The following RASGRP3 variants were observed in gnomAD, a reference collection of about 807,000 sequenced individuals.
RASGRP3 encodes the protein RAS guanyl releasing protein 3, also known as ras guanyl-releasing protein 3.
In RASGRP3, 54 loss-of-function variants were observed where a neutral mutation model predicts 82.7. That is an observed-to-expected ratio of 0.65 (90% CI 0.52 to 0.82). RASGRP3 has a LOEUF of 0.82. Ranked by LOEUF, RASGRP3 falls within the 40% of genes least tolerant of loss-of-function variation. The pLI is 0.00. For synonymous variants in RASGRP3, 309 were observed against 300.5 expected (o/e 1.03, Z -0.29); for missense variants, 861 against 828.9 (o/e 1.04, Z -0.48).
intron 10 of RASGRP3, 34 bp downstream of exon 10, chr2:33,527,446 A>T (rs745470560): frequency 1.8e-5 from 29 of 1,574,234 alleles, no homozygotes; most frequent in Non-Finnish European, 2.4e-5. Flanking sequence ...GGGCTCAATA[A>T]TTCTTCTGCA....
chr2:33,441,620 T>C (rs895311671), intron 1 of RASGRP3, among the ~76,000 whole-genome samples: 2 of 152,254 alleles, frequency 1.3e-5, no homozygotes, highest in African/African-American at 4.8e-5. Context: ...AGAACAGTTT[T>C]AGATTTATCT....
At chr2:33,557,421 C>T (rs1676111152) in intron 15 of RASGRP3, among the ~76,000 whole-genome samples, 1 of 151,904 alleles carries the variant, frequency 6.6e-6, no homozygotes, top group African/African-American at 2.4e-5. Context: ...TAAAAAAATC[C>T]AGACAAGGCC....
At position 33,469,312 on chromosome 2, in the gene RASGRP3, T is replaced by A. The variant is rs144350431; in HGVS notation, c.-261+21369T>A. 4.6e-3 allele frequency among the ~76,000 whole-genome samples: 695 copies of A among 152,316 alleles called. 9 individuals are homozygous for A. The highest frequency in any genetic ancestry group is 0.016 in the African/African-American group (666 of 41,560). On this transcript the variant is annotated intron_variant, in intron 2 of 18. Transcript: ENST00000402538. ...TATATTTTACATATATGTTTTATATTTTATGGTTTAAATCGTGAACTTTTA... is the reference window on the plus strand; with the variant it reads ...TATATTTTACATATATGTTTTATATATTATGGTTTAAATCGTGAACTTTTA...
At chr2:33,450,223 T>C (rs1260322686) in intron 2 of RASGRP3, among the ~76,000 whole-genome samples, 2 of 152,228 alleles carry the variant, frequency 1.3e-5, no homozygotes, top group Non-Finnish European at 2.9e-5. Flanking sequence ...TCACCTCATA[T>C]ACCAATCATT....
At chr2:33,507,721 T>C (rs1008329032) in intron 1 of RASGRP3, among the ~76,000 whole-genome samples, 1 of 152,054 alleles carries the variant, frequency 6.6e-6, no homozygotes, top group Non-Finnish European at 1.5e-5. Context: ...AGATGGGGTT[T>C]CACCATGTTG....
chr2:33,493,377 A>AG (rs1256865294), intron 1 of RASGRP3, among the ~76,000 whole-genome samples: 1 of 152,196 alleles, frequency 6.6e-6, no homozygotes, highest in African/African-American at 2.4e-5. Context: ...CTGGGAGAGC[A>AG]GGGGCAGAGT....
At chr2:33,518,211 G>A (rs977593331) in intron 4 of RASGRP3, among the ~76,000 whole-genome samples, 4 of 152,202 alleles carry the variant, frequency 2.6e-5, no homozygotes, top group Non-Finnish European at 5.9e-5. Context: ...ACACACCTAG[G>A]CTATATGATA....
chr2:33,511,007 A>C (rs533993161), intron 1 of RASGRP3, among the ~76,000 whole-genome samples: 2 of 152,224 alleles, frequency 1.3e-5, no homozygotes, highest in Admixed American at 6.5e-5. Flanking sequence ...CATGTTAATG[A>C]ACGTCCTTTT....
chr2:33,533,935 C>T (rs1214828808), intron 10 of RASGRP3: 1 of 182,500 alleles, frequency 5.5e-6, no homozygotes, highest in African/African-American at 2.4e-5. Context: ...GTTAACTGCT[C>T]CTTTATTTCA....
chr2:33,557,420 C>G (rs1424966341), intron 15 of RASGRP3, among the ~76,000 whole-genome samples: 2 of 151,964 alleles, frequency 1.3e-5, no homozygotes, highest in African/African-American at 4.8e-5. Context: ...GTAAAAAAAT[C>G]CAGACAAGGC....
chr2:33,512,694 T>C (rs1041466350), intron 2 of RASGRP3, among the ~76,000 whole-genome samples: 71 of 152,222 alleles, frequency 4.7e-4, no homozygotes, highest in African/African-American at 1.6e-3. Context: ...ATACTCATAT[T>C]CAATGACAAA....
At chr2:33,444,364 C>G (rs1282616715) in intron 1 of RASGRP3, among the ~76,000 whole-genome samples, 1 of 152,154 alleles carries the variant, frequency 6.6e-6, no homozygotes, top group Non-Finnish European at 1.5e-5. Flanking sequence ...AACATTTCAA[C>G]ATGCACCCAA....
intron 2 of RASGRP3, among the ~76,000 whole-genome samples, chr2:33,453,317 C>T (rs779347234): frequency 3.3e-5 from 5 of 152,148 alleles, no homozygotes; most frequent in Non-Finnish European, 5.9e-5. Flanking sequence ...TTTTTGATCT[C>T]AACTGGGATT....
chr2:33,451,354 C>T lies in RASGRP3; in HGVS notation c.-261+3411C>T, dbSNP rs532922506. Among the ~76,000 whole-genome samples the T allele has an allele frequency of 2.3e-3, 344 of 152,248 alleles. 2 individuals are homozygous for T. Among genetic ancestry groups the T allele is most frequent in the Non-Finnish European group, 3.7e-3 (254 of 67,998 alleles). Reference sequence around the variant, plus strand: ...ATAGTTTTCAAATATTTTCTACCATCCCACAGGCTGTCTCTACAGTCTGTT... The same window carrying T: ...ATAGTTTTCAAATATTTTCTACCATTCCACAGGCTGTCTCTACAGTCTGTT... On this transcript the variant is annotated intron_variant, in intron 2 of 18. Coordinates refer to the RASGRP3 transcript ENST00000402538.
chr2:33,533,557 G>A (rs185738021), intron 10 of RASGRP3: 4 of 152,290 alleles, frequency 2.6e-5, no homozygotes, highest in Admixed American at 6.5e-5. Context: ...ACTCAGTAGG[G>A]ACTTTTATGA....
rs767228263 is a variant in RASGRP3 at position 33,543,555 on chromosome 2, C to A, written c.1322C>A (p.Ser441Tyr). The change falls in exon 13 of 18, where the codon TCC becomes TAC. Residue 441 changes from serine to tyrosine, a missense_variant. Coordinates refer to ENST00000403687, the MANE Select transcript of RASGRP3 (RefSeq NM_001139488.2). ...GATCACGACCATGATGGGTACATTTCCCAAGAGGACTTTGAAAGTATAGCT... is the reference window on the plus strand; with the variant it reads ...GATCACGACCATGATGGGTACATTTACCAAGAGGACTTTGAAAGTATAGCT... ...NYDHDHDGYISQEDFESIAAN... is the reference protein window; with the variant it reads ...NYDHDHDGYIYQEDFESIAAN... 1 of 1,611,624 alleles carries A rather than the reference C, an allele frequency of 6.2e-7. No homozygotes were observed. Among genetic ancestry groups the A allele is most frequent in the East Asian group, 2.2e-5 (1 of 44,864 alleles).
At chr2:33,554,327 A>G (rs1675685105) in intron 14 of RASGRP3, among the ~76,000 whole-genome samples, 1 of 152,180 alleles carries the variant, frequency 6.6e-6, no homozygotes, top group South Asian at 2.1e-4. Context: ...TAAGTAGATA[A>G]TAGCCACCTA....
At chr2:33,437,680 G>C (rs575150410) in intron 1 of RASGRP3, among the ~76,000 whole-genome samples, 1 of 152,230 alleles carries the variant, frequency 6.6e-6, no homozygotes, top group Non-Finnish European at 1.5e-5. Flanking sequence ...CTCAGGCTCA[G>C]TGTGGATCCC....
chr2:33,503,212 GAATTTTTTTTGT>G (rs1670044689), intron 1 of RASGRP3, among the ~76,000 whole-genome samples: 1 of 152,080 alleles, frequency 6.6e-6, no homozygotes, highest in African/African-American at 2.4e-5. Flanking sequence ...TTTTTGAAAT[GAATTTTTTTTGT>G]TCTGATAAGG....
Sources: gnomAD v4.1 joint callset for allele counts (sites outside exome capture counted in the v4.1 genomes callset) on GRCh38, gnomAD v4.1.1 for gene constraint, MANE v1.5 for transcripts, NCBI Gene and HGNC (gene_info 2026-07-23, HGNC 2026-07-21) for gene names.